Variants in LRP1B observed in about 807,000 individuals in gnomAD.
The protein encoded by LRP1B is LDL receptor related protein 1B.
Under a neutral mutation model 556.6 loss-of-function variants are expected in LRP1B, and 217 were observed. The ratio of observed to expected loss-of-function variants is 0.39; its 90% CI spans 0.35 to 0.44. The LOEUF (loss-of-function observed/expected upper bound fraction) is 0.44, where lower values mean the gene tolerates loss of function less well. Ranked by LOEUF, LRP1B falls within the 20% of genes least tolerant of loss-of-function variation. The probability of loss-of-function intolerance (pLI) is 1.00; values close to 1 mark genes in which losing one functional copy is unlikely to be tolerated. For missense variants in LRP1B, 5,053 were observed against 5,620.8 expected (o/e 0.90, Z 3.23); for synonymous variants, 2,047 against 1,865.8 (o/e 1.10, Z -2.50).
rs1381606909 is a variant in LRP1B at position 140,562,812 on chromosome 2, C to T, written c.7195-20841G>A. Among the ~76,000 whole-genome samples, 36 of 151,932 alleles carry T rather than the reference C, an allele frequency of 2.4e-4. 1 individual carries two copies. Among genetic ancestry groups the T allele is most frequent in the Admixed American group, 2.4e-3 (36 of 15,236 alleles). ...TGTATTTTTAGTAGAGATAGGGTTTCACCATGTTAGCCAGGCTGGTCTCCA... is the reference window on the plus strand; with the variant it reads ...TGTATTTTTAGTAGAGATAGGGTTTTACCATGTTAGCCAGGCTGGTCTCCA... On this transcript the variant is annotated intron_variant, in intron 43 of 90. Transcript: ENST00000389484.
chr2:141,810,514 C>T (rs1696322547), intron 1 of LRP1B, 113 bp from the exon 2 acceptor site: 2 of 1,096,048 alleles, frequency 1.8e-6, no homozygotes, highest in East Asian at 2.6e-5. Flanking sequence ...TGAATATGAT[C>T]CACATTTTCT....
chr2:141,144,571 A>G (rs992040449), intron 7 of LRP1B, among the ~76,000 whole-genome samples: 3 of 152,212 alleles, frequency 2.0e-5, no homozygotes, highest in African/African-American at 7.2e-5. Context: ...TACTTCTCAT[A>G]TGAATGAGTA....
rs191404101 is a variant in LRP1B at position 141,247,152 on chromosome 2, T to C, written c.592+74A>G. 1.5e-4 allele frequency: 228 copies of C among 1,547,736 alleles called. No homozygotes were observed. In the African/African-American group the frequency reaches 2.4e-3, roughly 16 times the overall value. On this transcript the variant is annotated intron_variant, in intron 5 of 90. Transcript: ENST00000389484. ...AAGTCCATATTTCTGCTATACCACATCTCTAATGAAAAAGAATTGTAAAAA... is the reference window on the plus strand; with the variant it reads ...AAGTCCATATTTCTGCTATACCACACCTCTAATGAAAAAGAATTGTAAAAA...
intron 43 of LRP1B, among the ~76,000 whole-genome samples, chr2:140,579,022 GGGAACGAGGAGACGGAACAGGGGA>G (rs1681650418): frequency 6.6e-6 from 1 of 151,964 alleles, no homozygotes; most frequent in Non-Finnish European, 1.5e-5. Context: ...GGGAGACAAG[GGGAACGAGGAGACGGAACAGGGGA>G]ACAAGGAGAC....
At chr2:141,883,262 T>C (rs559426362) in intron 1 of LRP1B, among the ~76,000 whole-genome samples, 1 of 152,266 alleles carries the variant, frequency 6.6e-6, no homozygotes, top group South Asian at 2.1e-4. Flanking sequence ...AATTATTTGC[T>C]CCCATACACT....
At chr2:141,702,519 A>T (rs2028133) in intron 2 of LRP1B, among the ~76,000 whole-genome samples, 2 of 151,372 alleles carry the variant, frequency 1.3e-5, no homozygotes, top group Non-Finnish European at 2.9e-5. Context: ...CCTTACCAAA[A>T]ACTGCTGGCT....
intron 18 of LRP1B, among the ~76,000 whole-genome samples, chr2:140,968,501 C>T (rs112682887): frequency 0.13 from 4,856 of 37,656 alleles, 102 homozygotes; most frequent in Middle Eastern, 0.27. Context: ...TGATTTTTTG[C>T]AGTTTTTTTT....
intron 1 of LRP1B, among the ~76,000 whole-genome samples, chr2:141,936,264 G>C (rs1700633746): frequency 6.6e-6 from 1 of 151,992 alleles, no homozygotes; most frequent in South Asian, 2.1e-4. Context: ...AACTATTTAA[G>C]AGTATATGAA....
At chr2:140,571,891 G>A (rs1296983891) in intron 43 of LRP1B, among the ~76,000 whole-genome samples, 1 of 151,630 alleles carries the variant, frequency 6.6e-6, no homozygotes, top group Non-Finnish European at 1.5e-5. Context: ...GAAGAATATT[G>A]ATTGGGGATA....
At position 141,401,382 on chromosome 2, in the gene LRP1B, T is replaced by C. The variant is rs143608348; in HGVS notation, c.343+79014A>G. 2.0e-5 allele frequency among the ~76,000 whole-genome samples: 3 copies of C among 152,286 alleles called. No individual in the cohort carries two copies. The East Asian group carries it at 5.8e-4, about 29-fold the overall frequency. On this transcript the variant is annotated intron_variant, in intron 3 of 90. Transcript: ENST00000389484. ...ATCTTCTAAATAGAATATTAGGGTA[T>C]TGGAGAATACAATTTTTTAAATACA...
chr2:140,507,888 T>C (rs999044420), intron 52 of LRP1B, among the ~76,000 whole-genome samples: 7 of 152,120 alleles, frequency 4.6e-5, no homozygotes, highest in African/African-American at 1.7e-4. Context: ...TCTTGGTGCA[T>C]CTGTTTCTTT....
intron 86 of LRP1B, among the ~76,000 whole-genome samples, chr2:140,264,700 ATATGTGTGTGTGTGTG>A (rs879462483): frequency 3.2e-5 from 3 of 94,296 alleles, no homozygotes; most frequent in African/African-American, 1.1e-4. Context: ...AATTGTCTAT[ATATGTGTGTGTGTGTG>A]TGTGTGTGTG....
intron 1 of LRP1B, among the ~76,000 whole-genome samples, chr2:142,057,975 C>G (rs1469280251): frequency 6.6e-6 from 1 of 152,132 alleles, no homozygotes; most frequent in Admixed American, 6.5e-5. Flanking sequence ...TATTCAAAGT[C>G]AGGATTTAAT....
chr2:141,821,296 A>T (rs1365352168), intron 1 of LRP1B, among the ~76,000 whole-genome samples: 1 of 152,238 alleles, frequency 6.6e-6, no homozygotes, highest in Admixed American at 6.5e-5. Context: ...TTCATGTCAC[A>T]GCCAAGACAT....
At chr2:141,671,815 C>A (rs1432136890) in intron 2 of LRP1B, among the ~76,000 whole-genome samples, 1 of 140,462 alleles carries the variant, frequency 7.1e-6, no homozygotes, top group Non-Finnish European at 1.6e-5. Context: ...CTTTCTTAAC[C>A]CATCAAACTT....
intron 1 of LRP1B, among the ~76,000 whole-genome samples, chr2:141,948,049 G>A (rs1354769724): frequency 6.6e-6 from 1 of 152,064 alleles, no homozygotes. Context: ...TGTAATCCCA[G>A]CACTTTGTGA....
Position 141,131,407 on chromosome 2 carries a change from TTATA to T in LRP1B, c.1013+57010_1013+57013del, listed in dbSNP as rs67661603. Among the ~76,000 whole-genome samples, 116 of 110,632 alleles carry T rather than the reference TTATA, an allele frequency of 1.0e-3. 2 individuals carry two copies. In the South Asian group the frequency reaches 0.011, roughly 10 times the overall value. 72.6% of individuals were successfully genotyped at this position (110,632 alleles called of 152,430 possible). ...GGTTACAAAATTATAATGCATAAAG[TTATA>T]TATATATATATATATATATTTGCTC... On this transcript the variant is annotated intron_variant, in intron 7 of 90. Transcript: ENST00000389484.
chr2:140,776,272 T>A, intron 32 of LRP1B, 34 bp from the exon 33 acceptor site: 2 of 1,359,688 alleles, frequency 1.5e-6, no homozygotes, highest in Non-Finnish European at 2.0e-6. Context: ...TAAAGGAAAG[T>A]ATAATTATCT....
In LRP1B at chr2:140,950,307, G is replaced by A. The variant is rs1453989907; in HGVS notation, c.3064C>T (p.His1022Tyr). 6.2e-7 allele frequency: 1 copy of A among 1,612,836 alleles called. No homozygotes were observed. The highest frequency in any genetic ancestry group is 2.2e-5 in the East Asian group (1 of 44,742). The part of the protein sequence containing the change: ...RCSSGRCIPG[H>Y]WACDGDNDCG... Reference sequence around the variant, plus strand: ...TCATTGTCACCATCACAGGCCCAGTGGCCTGGGATGCATCTGCCACTGGAA... The same window carrying A: ...TCATTGTCACCATCACAGGCCCAGTAGCCTGGGATGCATCTGCCACTGGAA... Residue 1022 changes from histidine (H) to tyrosine (Y), a missense_variant, in exon 20 of 91, where the codon CAC (histidine) becomes TAC (tyrosine). Coordinates refer to ENST00000389484, the MANE Select transcript of LRP1B (RefSeq NM_018557.3).
Sources: gnomAD v4.1 joint callset for allele counts (sites outside exome capture counted in the v4.1 genomes callset) on GRCh38, gnomAD v4.1.1 for gene constraint, MANE v1.5 for transcripts, NCBI Gene and HGNC (gene_info 2026-07-23, HGNC 2026-07-21) for gene names.